APLF: variants seen among roughly 807,000 people sequenced by gnomAD.
APLF encodes aprataxin and PNK-like factor.
Under a neutral mutation model 55.6 loss-of-function variants are expected in APLF, and 61 were observed. The ratio of observed to expected loss-of-function variants is 1.10; its 90% CI spans 0.89 to 1.36. The LOEUF is 1.36. APLF is among the 40% of genes most tolerant of loss of function. The pLI is 0.00. For synonymous variants in APLF, 207 were observed against 214.8 expected (o/e 0.96, Z 0.32); for missense variants, 611 against 602.5 (o/e 1.01, Z -0.15).
chr2:68,546,237 C>A (rs555655654), intron 8 of APLF, among the ~76,000 whole-genome samples: 53 of 151,950 alleles, frequency 3.5e-4, no homozygotes, highest in African/African-American at 1.2e-3. Flanking sequence ...CAGATACAAT[C>A]AAAAATTGAG....
chr2:68,537,970 T>C lies in APLF; in HGVS notation c.903T>C (p.Leu301=). 2 of 1,613,974 alleles carry C rather than the reference T, an allele frequency of 1.2e-6. No homozygotes were observed. The highest frequency in any genetic ancestry group is 1.7e-6 in the Non-Finnish European group (2 of 1,179,900). The change falls in exon 7 of 10, where the codon CTT becomes CTC. Residue 301 remains leucine, a synonymous_variant. Coordinates refer to ENST00000303795, the MANE Select transcript of APLF (RefSeq NM_173545.3). The part of the protein sequence containing the change: ...AQRNKLPIEE[L]GKVSKHKIAT... ...GAAACAAACTTCCAATAGAGGAACTTGGTAAAGTTTCTAAACATAAAATTG... is the reference window on the plus strand; with the variant it reads ...GAAACAAACTTCCAATAGAGGAACTCGGTAAAGTTTCTAAACATAAAATTG...
intron 6 of APLF, among the ~76,000 whole-genome samples, chr2:68,535,982 T>C (rs1266897646): frequency 6.6e-6 from 1 of 152,198 alleles, no homozygotes; most frequent in Non-Finnish European, 1.5e-5. Context: ...GAACATCTGT[T>C]AGCCAGTGGA....
intron 9 of APLF, 98 bp downstream of exon 9, chr2:68,567,485 T>A (rs1671339623): frequency 2.1e-6 from 2 of 975,172 alleles, no homozygotes; most frequent in East Asian, 2.7e-5. Context: ...TTAAAATCTC[T>A]GCTTCTGTGA....
chr2:68,525,398 TTTCTG>T (rs1671027842), intron 5 of APLF, among the ~76,000 whole-genome samples: 1 of 152,172 alleles, frequency 6.6e-6, no homozygotes, highest in Admixed American at 6.5e-5. Context: ...TAAGTCAGAT[TTTCTG>T]TTAGAGAAAT....
chr2:68,479,631 T>G (rs1251916708), intron 1 of APLF, among the ~76,000 whole-genome samples: 2 of 152,214 alleles, frequency 1.3e-5, no homozygotes, highest in Non-Finnish European at 2.9e-5. Flanking sequence ...GCTTTTCTTT[T>G]ACAACATGGA....
chr2:68,525,993 T>C (rs958960146), intron 5 of APLF, 68 bp from the exon 6 acceptor site: 10 of 1,434,732 alleles, frequency 7.0e-6, no homozygotes, highest in Non-Finnish European at 9.3e-6. Flanking sequence ...TTTTTCTTTT[T>C]TTGATATGGA....
At chr2:68,471,775 T>A (rs1238365765) in intron 1 of APLF, among the ~76,000 whole-genome samples, 1 of 152,176 alleles carries the variant, frequency 6.6e-6, no homozygotes, top group African/African-American at 2.4e-5. Flanking sequence ...AAGTTTTGGT[T>A]AAATACCATG....
intron 5 of APLF, among the ~76,000 whole-genome samples, chr2:68,524,354 T>C (rs916898406): frequency 2.0e-5 from 3 of 152,228 alleles, no homozygotes; most frequent in African/African-American, 7.2e-5. Context: ...TTCCTGAACT[T>C]AATGAGGGAA....
At chr2:68,485,859 G>A (rs1381473396) in intron 1 of APLF, among the ~76,000 whole-genome samples, 1 of 148,134 alleles carries the variant, frequency 6.8e-6, no homozygotes, top group African/African-American at 2.5e-5. Flanking sequence ...GCCCAGACTG[G>A]AGTGCAGTGG....
chr2:68,510,843 A>G (rs759578262), intron 3 of APLF, among the ~76,000 whole-genome samples: 6 of 151,866 alleles, frequency 4.0e-5, no homozygotes, highest in Non-Finnish European at 7.4e-5. Context: ...ATTTGGCCAT[A>G]AAGAGGAATG....
chr2:68,562,155 C>T (rs1421300112), intron 8 of APLF, among the ~76,000 whole-genome samples: 2 of 151,896 alleles, frequency 1.3e-5, no homozygotes, highest in Non-Finnish European at 1.5e-5. Flanking sequence ...AGGCAGTTAC[C>T]ACATGGTATC....
chr2:68,535,863 AT>A (rs1670372076), intron 6 of APLF, among the ~76,000 whole-genome samples: 1 of 152,140 alleles, frequency 6.6e-6, no homozygotes, highest in African/African-American at 2.4e-5. Context: ...TGCAGTGTTT[AT>A]GGGGGAAATT....
At chr2:68,509,812 C>T (rs570309556) in intron 3 of APLF, among the ~76,000 whole-genome samples, 30 of 152,082 alleles carry the variant, frequency 2.0e-4, no homozygotes, top group South Asian at 6.2e-4. Context: ...AGACTTGGAA[C>T]CAACCCAAAT....
chr2:68,517,181 GTTA>G (rs907002663), intron 5 of APLF, among the ~76,000 whole-genome samples: 6 of 123,496 alleles, frequency 4.9e-5, no homozygotes, highest in Non-Finnish European at 9.4e-5. Flanking sequence ...ATATAATAAT[GTTA>G]TTGATACATA....
intron 2 of APLF, among the ~76,000 whole-genome samples, chr2:68,501,672 G>A (rs1280891737): frequency 6.6e-6 from 1 of 152,118 alleles, no homozygotes; most frequent in Admixed American, 6.6e-5. Context: ...TAAAATAGTG[G>A]ATATTGTAAT....
At chr2:68,487,492 G>A (rs1268248864) in intron 1 of APLF, among the ~76,000 whole-genome samples, 1 of 152,062 alleles carries the variant, frequency 6.6e-6, no homozygotes, top group Non-Finnish European at 1.5e-5. Flanking sequence ...TATAATAATA[G>A]TATCTTCACA....
intron 3 of APLF, among the ~76,000 whole-genome samples, chr2:68,509,572 G>A (rs1676980302): frequency 2.0e-5 from 3 of 152,106 alleles, no homozygotes; most frequent in Middle Eastern, 3.4e-3. Context: ...GAAACAACAG[G>A]TGCTGGAGAG....
At chr2:68,477,766 A>C (rs4131349) in intron 1 of APLF, among the ~76,000 whole-genome samples, 2,607 of 152,276 alleles carry the variant, frequency 0.017, 41 homozygotes, top group Non-Finnish European at 0.025. Flanking sequence ...TGGAAGGCGA[A>C]TGAGGCGCAA....
intron 3 of APLF, among the ~76,000 whole-genome samples, chr2:68,512,692 T>A (rs1220525933): frequency 4.0e-5 from 6 of 151,746 alleles, no homozygotes; most frequent in Non-Finnish European, 8.9e-5. Flanking sequence ...ATTTTATTTA[T>A]TTTTTCTCCA....
Sources: gnomAD v4.1 joint callset for allele counts (sites outside exome capture counted in the v4.1 genomes callset) on GRCh38, gnomAD v4.1.1 for gene constraint, MANE v1.5 for transcripts, NCBI Gene and HGNC (gene_info 2026-07-23, HGNC 2026-07-21) for gene names.